Variants in ADGRD1 observed in about 807,000 individuals in gnomAD.
The protein encoded by ADGRD1 is G-protein coupled receptor 133.
In ADGRD1, 77 loss-of-function variants were observed where a neutral mutation model predicts 113.4. The observed-to-expected ratio is 0.68, with a 90% CI of 0.57 to 0.82. ADGRD1 has a LOEUF of 0.82. Among genes scored for constraint, ADGRD1 ranks in the 40% least tolerant of loss-of-function variants. The pLI is 0.00. For synonymous variants in ADGRD1, 474 were observed against 475.0 expected (o/e 1.00, Z 0.03); for missense variants, 1,036 against 1,139.1 (o/e 0.91, Z 1.30).
chr12:131,135,946 C>T, intron 21 of ADGRD1, 91 bp from the exon 22 acceptor site: 3 of 1,425,222 alleles, frequency 2.1e-6, no homozygotes, highest in Non-Finnish European at 2.9e-6. Context: ...GGTGCCTGCA[C>T]CCATCTGGAA....
chr12:131,106,675 C>G, intron 17 of ADGRD1, among the ~76,000 whole-genome samples: 1 of 152,208 alleles, frequency 6.6e-6, no homozygotes, highest in East Asian at 1.9e-4. Context: ...CTCCTCCTCA[C>G]TGCCCAGCAG....
chr12:131,039,743 AGGCTCACGCTGGGAAAGG>A (rs1593098898), intron 13 of ADGRD1, among the ~76,000 whole-genome samples: 1 of 152,344 alleles, frequency 6.6e-6, no homozygotes, highest in East Asian at 1.9e-4. Flanking sequence ...CGCTAAGCCC[AGGCTCACGCTGGGAAAGG>A]GCCCAGACTC....
intron 8 of ADGRD1, among the ~76,000 whole-genome samples, chr12:130,996,793 G>A (rs1272229295): frequency 3.1e-5 from 3 of 96,984 alleles, no homozygotes; most frequent in African/African-American, 8.3e-5. Context: ...GGGCAGAGGC[G>A]CCCCTCACCT....
At chr12:130,974,203 A>T (rs1385245914) in intron 4 of ADGRD1, among the ~76,000 whole-genome samples, 1 of 152,164 alleles carries the variant, frequency 6.6e-6, no homozygotes, top group East Asian at 1.9e-4. Flanking sequence ...TGTGCGGGAA[A>T]ACAAGCCGTG....
At chr12:131,049,289 G>A (rs751324826) in intron 13 of ADGRD1, among the ~76,000 whole-genome samples, 2 of 152,222 alleles carry the variant, frequency 1.3e-5, no homozygotes, top group African/African-American at 2.4e-5. Flanking sequence ...TTGGGGGGCA[G>A]GTTGTGAGCC....
intron 20 of ADGRD1, among the ~76,000 whole-genome samples, chr12:131,124,922 TAAAC>T (rs1950706412): frequency 6.6e-6 from 1 of 152,192 alleles, no homozygotes; most frequent in South Asian, 2.1e-4. Context: ...CTGCACAGCT[TAAAC>T]AAATTTATTT....
At chr12:130,973,179 C>G (rs1246568546) in intron 4 of ADGRD1, 1 of 152,222 alleles carries the variant, frequency 6.6e-6, no homozygotes, top group Non-Finnish European at 1.5e-5. Context: ...CAGTCCCCAC[C>G]AGACTTCTCG....
Position 130,966,715 on chromosome 12 carries a change from G to A in ADGRD1, c.187+169G>A. 1.6e-6 allele frequency: 1 copy of A among 608,542 alleles called. No homozygotes were observed. Among genetic ancestry groups the A allele is most frequent in the African/African-American group, 1.9e-5 (1 of 54,042 alleles). 37.7% of individuals were successfully genotyped at this position (608,542 alleles called of 1,614,324 possible). On this transcript the variant is annotated intron_variant, in intron 3 of 24. Coordinates refer to ENST00000261654, the MANE Select transcript of ADGRD1 (RefSeq NM_198827.5). The surrounding 1 kb of genome is among the most constrained non-coding windows in gnomAD (Gnocchi z 4.6). ...CCAGGGCCATCGGGGAGCAGATGTG[G>A]ACACAATCTGCTTTGAAGCCACGGT...
At chr12:131,126,329 T>C (rs1950737261) in intron 20 of ADGRD1, among the ~76,000 whole-genome samples, 1 of 152,196 alleles carries the variant, frequency 6.6e-6, no homozygotes, top group African/African-American at 2.4e-5. Context: ...TATGGGACAG[T>C]GTAGCAAGAA....
At chr12:131,138,097 C>A in intron 23 of ADGRD1, 40 bp from the exon 24 acceptor site, 3 of 1,531,778 alleles carry the variant, frequency 2.0e-6, no homozygotes, top group East Asian at 4.5e-5. Flanking sequence ...GCTGTTGCAG[C>A]CTCTGAAATT....
chr12:130,995,128 G>A (rs1323518681), intron 8 of ADGRD1, among the ~76,000 whole-genome samples: 3 of 152,230 alleles, frequency 2.0e-5, no homozygotes, highest in Non-Finnish European at 2.9e-5. Context: ...TGGCCAGGCT[G>A]GCAGGTCTGT....
chr12:130,998,547 C>T (rs965277355), intron 8 of ADGRD1, among the ~76,000 whole-genome samples: 1 of 152,136 alleles, frequency 6.6e-6, no homozygotes, highest in Non-Finnish European at 1.5e-5. Context: ...TCACTGCAAC[C>T]TCTGCCTTCT....
chr12:131,089,606 T>A (rs1886763747), intron 15 of ADGRD1, among the ~76,000 whole-genome samples: 1 of 151,714 alleles, frequency 6.6e-6, no homozygotes, highest in African/African-American at 2.4e-5. Context: ...CAGTGAGTGC[T>A]CCCTACCTGA....
At chr12:131,138,668 A>G (rs1479789584) in intron 24 of ADGRD1, among the ~76,000 whole-genome samples, 2 of 151,898 alleles carry the variant, frequency 1.3e-5, no homozygotes, top group Non-Finnish European at 2.9e-5. Context: ...ACGGTGCTCA[A>G]TGAAGGCGCT....
At chr12:131,069,394 GTCC>G (rs1884977857) in intron 13 of ADGRD1, 1 of 152,222 alleles carries the variant, frequency 6.6e-6, no homozygotes, top group Non-Finnish European at 1.5e-5. Flanking sequence ...CTTGCCGTGA[GTCC>G]TCCAACCACC....
rs1202335595 is a variant in ADGRD1 at position 131,003,208 on chromosome 12, C to T, written c.1050C>T (p.Leu350=). 6 of 1,613,976 alleles carry T rather than the reference C, an allele frequency of 3.7e-6. No individual in the cohort carries two copies. Among genetic ancestry groups the T allele is most frequent in the Middle Eastern group, 3.3e-4 (2 of 6,062 alleles). ...AGGACAGCGCCGTGGTACTGAGTCTCATCGACACTATTGACACCGTCATGG... is the reference window on the plus strand; with the variant it reads ...AGGACAGCGCCGTGGTACTGAGTCTTATCGACACTATTGACACCGTCATGG... ...LSEDSAVVLS[L]IDTIDTVMGH... is the part of the protein sequence containing the mutation. The change falls in exon 10 of 25, where the codon CTC becomes CTT. Residue 350 remains leucine (L), a synonymous_variant. Coordinates refer to ENST00000261654, the MANE Select transcript of ADGRD1 (RefSeq NM_198827.5). This position sits in a 1 kb window ranked among gnomAD's most constrained non-coding sequence, Gnocchi z 4.8.
chr12:130,955,514 A>AGTGTG (rs1869450400), intron 2 of ADGRD1, among the ~76,000 whole-genome samples: 1 of 152,162 alleles, frequency 6.6e-6, no homozygotes, highest in African/African-American at 2.4e-5. Flanking sequence ...CGCTGTTAAG[A>AGTGTG]GTGTGGGCAC....
rs1157451917 is a variant in ADGRD1 at position 130,996,701 on chromosome 12, G to C, written c.967-3682G>C. Reference sequence around the variant, plus strand: ...TCCCAGACGGGGCGGCTGGCCGGGCGGGGGGCTGACCCCCCCACCACCCTC... The same window carrying C: ...TCCCAGACGGGGCGGCTGGCCGGGCCGGGGGCTGACCCCCCCACCACCCTC... On this transcript the variant is annotated intron_variant, in intron 8 of 24. Coordinates refer to ENST00000261654, the MANE Select transcript of ADGRD1 (RefSeq NM_198827.5). Among the ~76,000 whole-genome samples the C allele has an allele frequency of 8.0e-5, 7 of 88,022 alleles. No homozygotes were observed. The East Asian group carries it at 1.5e-3, about 19-fold the overall frequency. 57.7% of individuals were successfully genotyped at this position (88,022 alleles called of 152,430 possible). A position where few individuals can be genotyped will look rare whatever the true frequency, so the allele number is the denominator to read the frequency against.
chr12:131,047,377 G>T (rs922650178), intron 13 of ADGRD1, among the ~76,000 whole-genome samples: 3 of 152,184 alleles, frequency 2.0e-5, no homozygotes, highest in Non-Finnish European at 4.4e-5. Flanking sequence ...CTGGACAATG[G>T]GGGGACAGCT....
Sources: gnomAD v4.1 joint callset for allele counts (sites outside exome capture counted in the v4.1 genomes callset) on GRCh38, gnomAD v4.1.1 for gene constraint, Gnocchi (gnomAD v3.1) non-coding constraint, MANE v1.5 for transcripts, NCBI Gene and HGNC (gene_info 2026-07-23, HGNC 2026-07-21) for gene names.